The following PRKAR1B variants were observed in gnomAD, a reference collection of about 807,000 sequenced individuals.
PRKAR1B encodes the protein protein kinase cAMP-dependent type I regulatory subunit beta, also known as cAMP-dependent protein kinase type I-beta regulatory subunit.
In PRKAR1B, 22 loss-of-function variants were observed where a neutral mutation model predicts 46.5. That is an observed-to-expected ratio of 0.47 (90% CI 0.34 to 0.68). The LOEUF (loss-of-function observed/expected upper bound fraction) is 0.68, where lower values mean the gene tolerates loss of function less well. Among genes scored for constraint, PRKAR1B ranks in the 30% least tolerant of loss-of-function variants. The pLI, the probability that PRKAR1B is intolerant of heterozygous loss-of-function variation, is 0.01. For missense variants in PRKAR1B, 445 were observed against 535.6 expected (o/e 0.83, Z 1.67); for synonymous variants, 259 against 217.7 (o/e 1.19, Z -1.67).
intron 8 of PRKAR1B, 51 bp from the exon 9 acceptor site, chr7:579,428 C>CCACCAAGTCCAAG (rs1278709430): frequency 6.2e-7 from 1 of 1,605,112 alleles, no homozygotes; most frequent in Non-Finnish European, 8.5e-7. Flanking sequence ...GCCCCCACAG[C>CCACCAAGTCCAAG]CACAGTCCAA....
chr7:715,020 G>C (rs1219451814), intron 1 of PRKAR1B, among the ~76,000 whole-genome samples: 1 of 151,888 alleles, frequency 6.6e-6, no homozygotes, highest in African/African-American at 2.4e-5. Context: ...ACCCTGTCTC[G>C]ACTAGAAATA....
Position 666,414 on chromosome 7 carries a change from C to T in PRKAR1B, c.440+10815G>A, listed in dbSNP as rs764235512. 6.6e-6 allele frequency among the ~76,000 whole-genome samples: 1 copy of T among 152,150 alleles called. No individual in the cohort carries two copies. The highest frequency in any genetic ancestry group is 1.5e-5 in the Non-Finnish European group (1 of 68,028). The stretch of plus-strand genomic sequence containing the variant: ...GGCCGAGGCGTAACTGCCCCGGGCA[C>T]CCCAGGTAGGATGCGGAATCTGCTT... On this transcript the variant is annotated intron_variant, in intron 4 of 10. Coordinates refer to ENST00000537384, the MANE Select transcript of PRKAR1B (RefSeq NM_001164760.2). This position sits in a 1 kb window ranked among gnomAD's most constrained non-coding sequence, Gnocchi z 4.9.
chr7:550,331 C>G lies in PRKAR1B; in HGVS notation c.*99G>C. 1 of 1,142,556 alleles carries G rather than the reference C, an allele frequency of 8.8e-7. No individual in the cohort carries two copies. The highest frequency in any genetic ancestry group is 1.3e-6 in the Non-Finnish European group (1 of 793,754). The allele number at this position is 1,142,556 out of a possible 1,614,324, so 70.8% of individuals were successfully genotyped here. On this transcript the variant is annotated 3_prime_UTR_variant, in exon 11 of 11. Transcript: ENST00000537384. ...CACGCTGCCGGGACCCAGCCCCACC[C>G]GGCCCACACCTCACACAGCGGCTCC... is the stretch of plus-strand genomic sequence containing the variant.
chr7:584,194 G>A (rs923512435), intron 8 of PRKAR1B, among the ~76,000 whole-genome samples: 7 of 152,154 alleles, frequency 4.6e-5, no homozygotes, highest in African/African-American at 1.7e-4. Flanking sequence ...TGGTGTGGAG[G>A]GAAGGCTGGG....
chr7:575,028 G>C (rs952873458), intron 9 of PRKAR1B, among the ~76,000 whole-genome samples: 3 of 152,258 alleles, frequency 2.0e-5, no homozygotes, highest in Non-Finnish European at 4.4e-5. Context: ...ACTAATTTCA[G>C]TAGCGAGAAC....
At chr7:592,645 C>G (rs1364544464) in intron 7 of PRKAR1B, among the ~76,000 whole-genome samples, 1 of 152,240 alleles carries the variant, frequency 6.6e-6, no homozygotes, top group Non-Finnish European at 1.5e-5. Flanking sequence ...AGCACAGCCT[C>G]CACCACAGAA....
chr7:665,220 G>A (rs888752982), intron 4 of PRKAR1B, among the ~76,000 whole-genome samples: 1 of 152,158 alleles, frequency 6.6e-6, no homozygotes, highest in African/African-American at 2.4e-5. Context: ...TAAAAAGGTT[G>A]TTGTCTTTTC....
In PRKAR1B at chr7:608,755, G is replaced by A. The variant is rs371310093; in HGVS notation, c.441-1303C>T. Among the ~76,000 whole-genome samples the A allele has an allele frequency of 1.0e-3, 44 of 43,220 alleles. 1 individual carries two copies. Among genetic ancestry groups the A allele is most frequent in the African/African-American group, 3.9e-3 (36 of 9,236 alleles). The allele number at this position is 43,220 out of a possible 152,430, so 28.4% of individuals were successfully genotyped here. A position where few individuals can be genotyped will look rare whatever the true frequency, so the allele number is the denominator to read the frequency against. On this transcript the variant is annotated intron_variant, in intron 4 of 10. Coordinates refer to ENST00000537384, the MANE Select transcript of PRKAR1B (RefSeq NM_001164760.2). ...CAGTGTGTGGCAGGGCTGTAGGGAA[G>A]GCTGGGGGGCCTCCACTGTCCTCCC...
At position 607,442 on chromosome 7, in the gene PRKAR1B, C is replaced by G. The variant is rs759019649; in HGVS notation, c.451G>C (p.Asp151His). The change falls in exon 5 of 11, where the codon GAT (aspartate) becomes CAT (histidine). Residue 151 changes from aspartate (D) to histidine (H), a missense_variant. Asp to His is a moderately conservative substitution (Grantham distance 81, BLOSUM62 -1). This residue lies in a region of PRKAR1B where 94 missense variants were observed against 126.9 expected (regional missense o/e 0.74). Coordinates refer to ENST00000537384, the MANE Select transcript of PRKAR1B (RefSeq NM_001164760.2). ...ATGTGAGTGACAGGGAACATGGCATCGAATATGTCACTGAAAAGCAAAACA... is the reference window on the plus strand; with the variant it reads ...ATGTGAGTGACAGGGAACATGGCATGGAATATGTCACTGAAAAGCAAAACA... The part of the protein sequence containing the change: ...LDDNERSDIF[D>H]AMFPVTHIAG... The G allele has an allele frequency of 6.2e-7, 1 of 1,613,884 alleles. No homozygotes were observed.
At chr7:725,674 T>C (rs1781235873) in intron 1 of PRKAR1B, among the ~76,000 whole-genome samples, 2 of 152,336 alleles carry the variant, frequency 1.3e-5, no homozygotes, top group East Asian at 3.9e-4. Context: ...AATGCTTTTG[T>C]AAGACTAACA....
intron 9 of PRKAR1B, chr7:578,835 C>T (rs1037217029): frequency 3.5e-6 from 1 of 287,862 alleles, no homozygotes; most frequent in Non-Finnish European, 6.5e-6. Flanking sequence ...GCATGTGCCA[C>T]CACACCCGGC....
chr7:613,201 G>A (rs62431457), intron 4 of PRKAR1B, among the ~76,000 whole-genome samples: 83,095 of 150,952 alleles, frequency 0.55, 24,114 homozygotes, highest in South Asian at 0.8. Context: ...AGAGGGGGTG[G>A]GGTTGGGGTC....
At chr7:577,126 C>A (rs970779101) in intron 9 of PRKAR1B, among the ~76,000 whole-genome samples, 5 of 151,966 alleles carry the variant, frequency 3.3e-5, no homozygotes, top group African/African-American at 7.3e-5. Flanking sequence ...CCATCAGCGG[C>A]CCCGTCCAAC....
intron 9 of PRKAR1B, among the ~76,000 whole-genome samples, chr7:577,804 A>G (rs918199765): frequency 1.8e-4 from 27 of 152,202 alleles, no homozygotes; most frequent in African/African-American, 6.5e-4. Flanking sequence ...GACAGGATTC[A>G]AGGGCCAGCA....
chr7:573,785 G>A (rs1044289658), intron 9 of PRKAR1B, among the ~76,000 whole-genome samples: 3 of 152,170 alleles, frequency 2.0e-5, no homozygotes, highest in Non-Finnish European at 4.4e-5. Flanking sequence ...TCGCGGAGTC[G>A]GGCACACCCA....
chr7:718,814 T>C (rs1780973372), intron 1 of PRKAR1B, among the ~76,000 whole-genome samples: 1 of 151,790 alleles, frequency 6.6e-6, no homozygotes, highest in African/African-American at 2.4e-5. Context: ...ACATACTTCT[T>C]GTTCCTGTTT....
intron 1 of PRKAR1B, among the ~76,000 whole-genome samples, chr7:725,007 C>T (rs888151451): frequency 1.1e-4 from 17 of 152,184 alleles, no homozygotes; most frequent in African/African-American, 3.9e-4. Context: ...GAGGTCAGGA[C>T]ATCGAGACCA....
intron 4 of PRKAR1B, among the ~76,000 whole-genome samples, chr7:612,884 A>G (rs1199662368): frequency 6.6e-6 from 1 of 152,234 alleles, no homozygotes; most frequent in Non-Finnish European, 1.5e-5. Context: ...ATATTCACCG[A>G]AGCACTGTCA....
intron 9 of PRKAR1B, among the ~76,000 whole-genome samples, chr7:578,642 C>T (rs1482418454): frequency 6.6e-6 from 1 of 152,022 alleles, no homozygotes; most frequent in Non-Finnish European, 1.5e-5. Flanking sequence ...CCCACCCTCG[C>T]ACGCCCTGTG....
Sources: allele counts gnomAD v4.1 joint callset (sites outside exome capture counted in the v4.1 genomes callset), GRCh38; gene constraint gnomAD v4.1.1; regional missense constraint gnomAD v4.1.1; non-coding constraint Gnocchi (gnomAD v3.1); transcripts MANE v1.5; gene names NCBI Gene and HGNC (gene_info 2026-07-23, HGNC 2026-07-21).